Variants in EEF1AKMT1 observed in about 807,000 individuals in gnomAD.
EEF1AKMT1 encodes the protein EEF1A lysine methyltransferase 1, also known as N-6 adenine-specific DNA methyltransferase 2 (putative).
EEF1AKMT1 carries 18 observed loss-of-function variants against 21.0 expected under a neutral mutation model. The ratio of observed to expected loss-of-function variants is 0.86; its 90% CI spans 0.59 to 1.27. The LOEUF (loss-of-function observed/expected upper bound fraction) is 1.27. Ranked by LOEUF, EEF1AKMT1 falls within the 50% of genes most tolerant of loss-of-function variation. EEF1AKMT1 has a pLI of 0.00. For synonymous variants in EEF1AKMT1, 109 were observed against 94.8 expected (o/e 1.15, Z -0.87); for missense variants, 246 against 258.6 (o/e 0.95, Z 0.33).
At chr13:20,730,179 A>C (rs1486244045) in intron 4 of EEF1AKMT1, among the ~76,000 whole-genome samples, 1 of 152,248 alleles carries the variant, frequency 6.6e-6, no homozygotes. Context: ...CCTGAAACTA[A>C]AATGCACACT....
intron 2 of EEF1AKMT1, among the ~76,000 whole-genome samples, chr13:20,744,819 T>C (rs985329733): frequency 6.6e-6 from 1 of 151,190 alleles, no homozygotes; most frequent in African/African-American, 2.4e-5. Context: ...GATTTGGGGG[T>C]TTTACATTTA....
At chr13:20,745,272 C>A (rs923911856) in intron 2 of EEF1AKMT1, among the ~76,000 whole-genome samples, 1 of 152,188 alleles carries the variant, frequency 6.6e-6, no homozygotes, top group African/African-American at 2.4e-5. Context: ...TTACTTTGGG[C>A]AGTATGGCCA....
chr13:20,744,140 G>C (rs1020701417), intron 2 of EEF1AKMT1, among the ~76,000 whole-genome samples: 9 of 152,184 alleles, frequency 5.9e-5, no homozygotes, highest in Admixed American at 6.5e-5. Context: ...ACTGTAAACA[G>C]TGCTGCAATA....
rs1354482179 is a variant in EEF1AKMT1 at position 20,732,043 on chromosome 13, A to G, written c.306T>C (p.Phe102=). 5 of 1,614,112 alleles carry G rather than the reference A, an allele frequency of 3.1e-6. No individual in the cohort carries two copies. In the African/African-American group the frequency reaches 5.3e-5, roughly 17 times the overall value. Residue 102 remains phenylalanine, a synonymous_variant, in exon 4 of 5, where the codon TTT becomes TTC. Coordinates refer to ENST00000382758, the MANE Select transcript of EEF1AKMT1 (RefSeq NM_001318939.2). ...ACATGGCAAATCTTTTGTCATATTCAAAGATGTATATCGAAAAGTTTTCTC... is the reference window on the plus strand; with the variant it reads ...ACATGGCAAATCTTTTGTCATATTCGAAGATGTATATCGAAAAGTTTTCTC... ...LCRENFSIYI[F]EYDKRFAMYG... is the part of the protein sequence containing the mutation.
intron 1 of EEF1AKMT1, among the ~76,000 whole-genome samples, chr13:20,762,723 A>G (rs1416238494): frequency 6.6e-6 from 1 of 152,078 alleles, no homozygotes; most frequent in Non-Finnish European, 1.5e-5. Context: ...TCTGGTGCCC[A>G]GGCTGGTCTC....
At chr13:20,740,443 G>A (rs73167415) in intron 2 of EEF1AKMT1, among the ~76,000 whole-genome samples, 14,187 of 152,342 alleles carry the variant, frequency 0.093, 812 homozygotes, top group Non-Finnish European at 0.13. Context: ...CCGAGGAGGT[G>A]CCAAGAGCAA....
intron 2 of EEF1AKMT1, among the ~76,000 whole-genome samples, chr13:20,753,875 G>C (rs1020279007): frequency 6.6e-6 from 1 of 151,638 alleles, no homozygotes; most frequent in Non-Finnish European, 1.5e-5. Context: ...CTTTAAATCT[G>C]TTCAGGCAGT....
intron 1 of EEF1AKMT1, among the ~76,000 whole-genome samples, chr13:20,768,532 A>G (rs1472565509): frequency 2.6e-5 from 4 of 152,160 alleles, no homozygotes; most frequent in African/African-American, 7.2e-5. Flanking sequence ...CCCTCTGCAG[A>G]TACCTGGAGT....
At position 20,729,173 on chromosome 13, in the gene EEF1AKMT1, CT is replaced by C; in HGVS notation, c.551del (p.Lys184ArgfsTer21). The C allele has an allele frequency of 6.2e-7, 1 of 1,614,182 alleles. No individual in the cohort carries two copies. Among genetic ancestry groups the C allele is most frequent in the Non-Finnish European group, 8.5e-7 (1 of 1,180,042 alleles). On this transcript the variant is annotated frameshift_variant, in exon 5 of 5. Transcript: ENST00000382758. LOFTEE classifies it low-confidence loss of function (END_TRUNC). The part of the protein sequence containing the change: ...EEQAAELLGV[K>X]MCTFVPRHTR... ...TGTGTCTTGGAACAAACGTGCACAT[CT>C]TCACTCCAAGGAGTTCTGCTGCCTG...
intron 1 of EEF1AKMT1, 75 bp downstream of exon 1, chr13:20,773,846 A>G (rs1336376523): frequency 6.6e-6 from 1 of 152,612 alleles, no homozygotes; most frequent in African/African-American, 2.4e-5. Flanking sequence ...AACACACAAA[A>G]GGCACCTAAC....
At chr13:20,761,332 T>C (rs1047189643) in intron 1 of EEF1AKMT1, among the ~76,000 whole-genome samples, 3 of 152,182 alleles carry the variant, frequency 2.0e-5, no homozygotes, top group African/African-American at 7.2e-5. Context: ...GAATCATACA[T>C]TATATAACTT....
chr13:20,765,751 C>T (rs2141438756), intron 1 of EEF1AKMT1, among the ~76,000 whole-genome samples: 1 of 151,730 alleles, frequency 6.6e-6, no homozygotes, highest in East Asian at 1.9e-4. Context: ...TTCTAGCTTT[C>T]ATATATGTTT....
At chr13:20,730,233 G>C (rs8000346) in intron 4 of EEF1AKMT1, among the ~76,000 whole-genome samples, 22,685 of 152,270 alleles carry the variant, frequency 0.15, 1,885 homozygotes, top group African/African-American at 0.2. Flanking sequence ...GAGCACTGCA[G>C]AGAGCTCAAG....
chr13:20,746,511 A>T (rs2058905620), intron 2 of EEF1AKMT1, among the ~76,000 whole-genome samples: 1 of 152,194 alleles, frequency 6.6e-6, no homozygotes, highest in Admixed American at 6.5e-5. Flanking sequence ...TCTGCAAAGG[A>T]CATCTGGAAG....
At position 20,757,569 on chromosome 13, in the gene EEF1AKMT1, G is replaced by A. The variant is rs373663823; in HGVS notation, c.30C>T (p.Pro10=). 7 of 1,613,822 alleles carry A rather than the reference G, an allele frequency of 4.3e-6. No individual in the cohort carries two copies. The highest frequency in any genetic ancestry group is 1.6e-4 in the Middle Eastern group (1 of 6,084). The change falls in exon 2 of 5, where the codon CCC becomes CCT. Residue 10 remains proline, a synonymous_variant. Transcript: ENST00000382758. MSDLEDDET[P]QLSAHALAAL... is the part of the protein sequence containing the mutation. ...CTGCTAAGGCATGGGCAGAAAGCTG[G>A]GGTGTCTCATCATCTTCCAAATCAC...
chr13:20,772,503 G>T (rs999871525), intron 1 of EEF1AKMT1, among the ~76,000 whole-genome samples: 1 of 152,172 alleles, frequency 6.6e-6, no homozygotes, highest in Non-Finnish European at 1.5e-5. Context: ...CATTAAAGAA[G>T]TATCCCGCCC....
At chr13:20,763,684 C>A (rs959682319) in intron 1 of EEF1AKMT1, among the ~76,000 whole-genome samples, 2 of 152,100 alleles carry the variant, frequency 1.3e-5, no homozygotes, top group Non-Finnish European at 2.9e-5. Context: ...AACTCCTGAC[C>A]TCTGGTGATC....
chr13:20,739,185 G>C (rs866420665), intron 2 of EEF1AKMT1, among the ~76,000 whole-genome samples: 1 of 152,160 alleles, frequency 6.6e-6, no homozygotes, highest in Non-Finnish European at 1.5e-5. Context: ...TTTGCTCCCA[G>C]TGGGTTGGTA....
At chr13:20,746,845 G>A (rs912697745) in intron 2 of EEF1AKMT1, among the ~76,000 whole-genome samples, 5 of 152,234 alleles carry the variant, frequency 3.3e-5, no homozygotes, top group African/African-American at 1.2e-4. Flanking sequence ...GATTGTAGCA[G>A]TCTTGTATTT....
Sources: gnomAD v4.1 joint callset for allele counts (sites outside exome capture counted in the v4.1 genomes callset) on GRCh38, gnomAD v4.1.1 for gene constraint, MANE v1.5 for transcripts, NCBI Gene and HGNC (gene_info 2026-07-23, HGNC 2026-07-21) for gene names.